HK2: variants seen among roughly 807,000 people sequenced by gnomAD.
HK2 encodes the protein hexokinase-2.
A neutral mutation model predicts 92.9 loss-of-function variants in HK2; 42 were observed. The ratio of observed to expected loss-of-function variants is 0.45; its 90% CI spans 0.35 to 0.58. The LOEUF (loss-of-function observed/expected upper bound fraction) is 0.58. Among genes scored for constraint, HK2 ranks in the 20% least tolerant of loss-of-function variants. The pLI, the probability that HK2 is intolerant of heterozygous loss-of-function variation, is 0.00. For synonymous variants in HK2, 422 were observed against 468.0 expected, an observed-to-expected ratio of 0.90 and a Z score of 1.27; for missense variants, 978 against 1,245.1, an observed-to-expected ratio of 0.79 and a Z score of 3.23.
chr2:74,846,788 TG>T (rs1046013645), intron 1 of HK2, among the ~76,000 whole-genome samples: 3 of 152,206 alleles, frequency 2.0e-5, no homozygotes, highest in Non-Finnish European at 1.5e-5. Flanking sequence ...TTAGGATTAC[TG>T]GTGTGAGCCA....
In HK2 at chr2:74,888,074, TCA is replaced by T. The variant is rs1689583734; in HGVS notation, c.2375+17_2375+18del. 6.2e-7 allele frequency: 1 copy of T among 1,613,774 alleles called. No homozygotes were observed. Among genetic ancestry groups the T allele is most frequent in the African/African-American group, 1.3e-5 (1 of 74,934 alleles). The stretch of plus-strand genomic sequence containing the variant: ...AGATTGAGAGGTGAGAGCTTAGGGC[TCA>T]GGGTAGCAGGGGGGCCATGTCCTTT... On this transcript the variant is annotated intron_variant, in intron 16 of 17. Coordinates refer to ENST00000290573, the MANE Select transcript of HK2 (RefSeq NM_000189.5).
At chr2:74,845,491 G>A (rs1240450539) in intron 1 of HK2, among the ~76,000 whole-genome samples, 1 of 152,268 alleles carries the variant, frequency 6.6e-6, no homozygotes, top group Non-Finnish European at 1.5e-5. Context: ...AGGTGCTGCT[G>A]CCTAAGGTCT....
rs1176231669 is a variant in HK2, at chr2:74,834,794, C to T, written c.63+151C>T. On this transcript the variant is annotated intron_variant, in intron 1 of 17. Transcript: ENST00000290573. This position sits in a 1 kb window ranked among gnomAD's most constrained non-coding sequence, Gnocchi z 4.2. ...TGGGCAGCCGGGACACTCCTGGGCGCCAGGAGCCACGTCCGCTAAGCACAG... is the reference window on the plus strand; with the variant it reads ...TGGGCAGCCGGGACACTCCTGGGCGTCAGGAGCCACGTCCGCTAAGCACAG... 9.6e-6 allele frequency: 8 copies of T among 831,618 alleles called. No homozygotes were observed. Among genetic ancestry groups the T allele is most frequent in the East Asian group, 5.3e-5 (2 of 37,832 alleles). The allele number at this position is 831,618 out of a possible 1,614,324, so 51.5% of individuals were successfully genotyped here.
chr2:74,877,847 G>T (rs1423870527), intron 8 of HK2, among the ~76,000 whole-genome samples: 1 of 152,148 alleles, frequency 6.6e-6, no homozygotes, highest in Non-Finnish European at 1.5e-5. Flanking sequence ...CTTGATTTTT[G>T]TTGTTGTTAA....
Position 74,882,143 on chromosome 2 carries a change from C to T in HK2, c.1743C>T (p.Cys581=), listed in dbSNP as rs1354431460. 6.2e-7 allele frequency: 1 copy of T among 1,614,224 alleles called. No homozygotes were observed. The highest frequency in any genetic ancestry group is 1.1e-5 in the South Asian group (1 of 91,092). The change falls in exon 12 of 18, where the codon TGC becomes TGT. Residue 581 remains cysteine, a synonymous_variant. Transcript: ENST00000290573. ...GDELFDHIVQ[C]IADFLEYMGM... ...AGCTCTTTGACCACATTGTCCAGTGCATCGCGGACTTCCTCGAGTACATGG... is the reference window on the plus strand; with the variant it reads ...AGCTCTTTGACCACATTGTCCAGTGTATCGCGGACTTCCTCGAGTACATGG...
At chr2:74,881,282 C>G (rs1373125407) in intron 10 of HK2, among the ~76,000 whole-genome samples, 1 of 152,160 alleles carries the variant, frequency 6.6e-6, no homozygotes, top group Non-Finnish European at 1.5e-5. Context: ...AGAAGACAGT[C>G]GATGAGCAGG....
chr2:74,854,058 C>G (rs1004433947), intron 1 of HK2, among the ~76,000 whole-genome samples: 1 of 151,950 alleles, frequency 6.6e-6, no homozygotes, highest in African/African-American at 2.4e-5. Context: ...GGCCTTTCCT[C>G]AGGTATGCAC....
At chr2:74,875,948 A>G (rs938368347) in intron 7 of HK2, among the ~76,000 whole-genome samples, 4 of 152,184 alleles carry the variant, frequency 2.6e-5, no homozygotes, top group Non-Finnish European at 5.9e-5. Flanking sequence ...GTCACTACAG[A>G]CAATTTTTGT....
At chr2:74,866,780 C>T (rs1462159982) in intron 2 of HK2, among the ~76,000 whole-genome samples, 1 of 152,168 alleles carries the variant, frequency 6.6e-6, no homozygotes, top group Non-Finnish European at 1.5e-5. Context: ...TCAGCATTCT[C>T]TTGCATTCTG....
intron 1 of HK2, among the ~76,000 whole-genome samples, chr2:74,839,829 T>TGTA: frequency 2.2e-5 from 2 of 91,242 alleles, no homozygotes; most frequent in East Asian, 3.0e-4. Context: ...AGCTAATTTT[T>TGTA]TTTTAGTAGA....
At position 74,878,459 on chromosome 2, in the gene HK2, G is replaced by A. The variant is rs75675550; in HGVS notation, c.1032-229G>A. Among the ~76,000 whole-genome samples, 234 of 151,360 alleles carry A rather than the reference G, an allele frequency of 1.5e-3. 1 individual carries two copies. The highest frequency in any genetic ancestry group is 5.1e-3 in the African/African-American group (208 of 40,794). On this transcript the variant is annotated intron_variant, in intron 8 of 17. Transcript: ENST00000290573. The stretch of plus-strand genomic sequence containing the variant: ...TGTGTGCGCACGCACATGCGTGTGC[G>A]TGTGTGTGTGGTGTCTGGGAGAGGA...
intron 3 of HK2, 50 bp downstream of exon 3, chr2:74,867,834 C>A: frequency 6.2e-7 from 1 of 1,605,788 alleles, no homozygotes; most frequent in Non-Finnish European, 8.5e-7. Context: ...ACTTCCTTGG[C>A]ATGTTCTTTC....
rs932371216 is a variant in HK2, at chr2:74,865,147, G to T, written c.227-2489G>T. ...AAGGAATGCAGTCATTGGCTATGGT[G>T]GTTGTGGCTTCCTATGTGTGTGGAG... On this transcript the variant is annotated intron_variant, in intron 2 of 17. Transcript: ENST00000290573. Among the ~76,000 whole-genome samples the T allele has an allele frequency of 1.8e-4, 27 of 152,160 alleles. 1 individual carries two copies. The highest frequency in any genetic ancestry group is 6.0e-4 in the African/African-American group (25 of 41,384).
intron 1 of HK2, among the ~76,000 whole-genome samples, chr2:74,843,612 C>T (rs1042817152): frequency 1.3e-5 from 2 of 152,146 alleles, no homozygotes; most frequent in African/African-American, 2.4e-5. Context: ...GGCCCACCCA[C>T]CTCCTGCCCA....
intron 2 of HK2, among the ~76,000 whole-genome samples, chr2:74,855,168 G>C (rs28362985): frequency 4.0e-4 from 61 of 152,228 alleles, no homozygotes; most frequent in Admixed American, 1.0e-3. Flanking sequence ...GGCTAATTTT[G>C]TATTTTTAGT....
intron 7 of HK2, 102 bp from the exon 8 acceptor site, chr2:74,877,064 C>G: frequency 6.8e-7 from 1 of 1,474,396 alleles, no homozygotes; most frequent in Non-Finnish European, 9.4e-7. Context: ...CACATTAACC[C>G]TTAGTTGTGA....
chr2:74,880,831 TAA>T (rs1689371983), intron 10 of HK2, among the ~76,000 whole-genome samples: 1 of 152,244 alleles, frequency 6.6e-6, no homozygotes, highest in Non-Finnish European at 1.5e-5. Context: ...TGTTAACTGT[TAA>T]AAAATATTAG....
Position 74,849,360 on chromosome 2 carries a change from C to T in HK2, c.64-4933C>T, listed in dbSNP as rs1688514538. Among the ~76,000 whole-genome samples, 5 of 152,204 alleles carry T rather than the reference C, an allele frequency of 3.3e-5. No individual in the cohort carries two copies. In the South Asian group the frequency reaches 1.0e-3, roughly 31 times the overall value. ...ACCCAATGAGGAAGCTCTGATCTAACCCTTGCTGAAGAAATATCAACTAAC... is the reference window on the plus strand; with the variant it reads ...ACCCAATGAGGAAGCTCTGATCTAATCCTTGCTGAAGAAATATCAACTAAC... On this transcript the variant is annotated intron_variant, in intron 1 of 17. Transcript: ENST00000290573.
At chr2:74,867,336 G>A (rs1489778671) in intron 2 of HK2, among the ~76,000 whole-genome samples, 1 of 151,926 alleles carries the variant, frequency 6.6e-6, no homozygotes, top group East Asian at 1.9e-4. Context: ...GGATGCAAAA[G>A]CATAAGAATA....
Sources: gnomAD v4.1 joint callset for allele counts (sites outside exome capture counted in the v4.1 genomes callset) on GRCh38, gnomAD v4.1.1 for gene constraint, Gnocchi (gnomAD v3.1) non-coding constraint, MANE v1.5 for transcripts, NCBI Gene and HGNC (gene_info 2026-07-23, HGNC 2026-07-21) for gene names.